The following INPP5A variants were observed in gnomAD, a reference collection of about 807,000 sequenced individuals.
INPP5A encodes 43 kDa inositol polyphosphate 5-phophatase.
In INPP5A, 14 loss-of-function variants were observed where a neutral mutation model predicts 65.2. That is an observed-to-expected ratio of 0.21 (90% CI 0.14 to 0.34). The LOEUF is 0.34. Among genes scored for constraint, INPP5A ranks in the 10% least tolerant of loss-of-function variants. The pLI is 1.00. For synonymous variants in INPP5A, 207 were observed against 208.3 expected (o/e 0.99, Z 0.05); for missense variants, 431 against 545.6 (o/e 0.79, Z 2.09).
chr10:132,593,324 G>A (rs777411098), intron 1 of INPP5A, among the ~76,000 whole-genome samples: 6 of 152,166 alleles, frequency 3.9e-5, no homozygotes, highest in South Asian at 2.1e-4. Context: ...GGAGCCCTGC[G>A]GGCCTGCTGG....
intron 9 of INPP5A, among the ~76,000 whole-genome samples, chr10:132,739,911 G>A (rs939633803): frequency 5.9e-5 from 9 of 152,208 alleles, no homozygotes; most frequent in African/African-American, 2.2e-4. Flanking sequence ...ACTGACGTTC[G>A]GGGGTGCCGC....
At position 132,782,103 on chromosome 10, in the gene INPP5A, A is replaced by G. The variant is rs1360075128; in HGVS notation, c.*74A>G. The G allele has an allele frequency of 6.5e-7, 1 of 1,537,988 alleles. No homozygotes were observed. The highest frequency in any genetic ancestry group is 1.2e-5 in the South Asian group (1 of 83,522). ...CCCTGTAGCCGTGGACCGAATACGC[A>G]CTCTTGAAAGCTGCATCGAGAACCC... On this transcript the variant is annotated 3_prime_UTR_variant, in exon 16 of 16. Coordinates refer to ENST00000368594, the MANE Select transcript of INPP5A (RefSeq NM_005539.5). The surrounding 1 kb of genome is among the most constrained non-coding windows in gnomAD (Gnocchi z 4.4).
intron 7 of INPP5A, among the ~76,000 whole-genome samples, 153 bp from the exon 8 acceptor site, chr10:132,710,184 A>G (rs751361856): frequency 6.6e-6 from 1 of 152,394 alleles, no homozygotes; most frequent in Non-Finnish European, 1.5e-5. Context: ...GCCTTGTCGG[A>G]AGACAGGTGG....
chr10:132,648,629 G>A (rs1446897692), intron 3 of INPP5A, among the ~76,000 whole-genome samples: 2 of 152,172 alleles, frequency 1.3e-5, no homozygotes, highest in Admixed American at 1.3e-4. Context: ...ATTTTTGAAA[G>A]CTGTTTTTGT....
intron 11 of INPP5A, among the ~76,000 whole-genome samples, chr10:132,761,896 T>C (rs1011990319): frequency 1.2e-4 from 18 of 151,950 alleles, no homozygotes; most frequent in Non-Finnish European, 2.4e-4. Flanking sequence ...AATTATAATA[T>C]TGTAAATTAT....
At chr10:132,624,630 G>A (rs1414363033) in intron 2 of INPP5A, among the ~76,000 whole-genome samples, 1 of 152,188 alleles carries the variant, frequency 6.6e-6, no homozygotes, top group African/African-American at 2.4e-5. Flanking sequence ...TTTGGTGCCT[G>A]GCATGTAGGC....
chr10:132,715,719 C>T (rs1478426267), intron 8 of INPP5A, among the ~76,000 whole-genome samples: 3 of 152,358 alleles, frequency 2.0e-5, no homozygotes, highest in South Asian at 2.1e-4. Flanking sequence ...TCTGGGTCAC[C>T]CTGAGCGCTC....
chr10:132,655,480 G>T (rs200644838), intron 4 of INPP5A, among the ~76,000 whole-genome samples: 2 of 152,264 alleles, frequency 1.3e-5, no homozygotes. Context: ...CCCGTGTCTT[G>T]TCTGCCGGGC....
intron 1 of INPP5A, among the ~76,000 whole-genome samples, chr10:132,548,792 CTTTTTTTTTTT>C (rs71013535): frequency 1.3e-5 from 1 of 79,270 alleles, no homozygotes; most frequent in Non-Finnish European, 2.4e-5. Context: ...GTTTATCTGG[CTTTTTTTTTTT>C]TTTTTTTTTT....
At chr10:132,609,836 G>A (rs2071917831) in intron 2 of INPP5A, among the ~76,000 whole-genome samples, 1 of 152,102 alleles carries the variant, frequency 6.6e-6, no homozygotes, top group Admixed American at 6.5e-5. Flanking sequence ...GTAGAGACGG[G>A]GTTTCACCAC....
In INPP5A at chr10:132,627,555, T is replaced by C. The variant is rs1216234779; in HGVS notation, c.118-18313T>C. On this transcript the variant is annotated intron_variant, in intron 2 of 15. Transcript: ENST00000368594. The surrounding 1 kb of genome is among the most constrained non-coding windows in gnomAD (Gnocchi z 6.6). The stretch of plus-strand genomic sequence containing the variant: ...GCCTGGTCTGTCCCGACTCCCTCTG[T>C]GTCCCCAGCTGCCAGCAACGTGCAG... Among the ~76,000 whole-genome samples, 1 of 152,196 alleles carries C rather than the reference T, an allele frequency of 6.6e-6. No homozygotes were observed. Among genetic ancestry groups the C allele is most frequent in the Non-Finnish European group, 1.5e-5 (1 of 68,024 alleles).
chr10:132,664,117 A>C (rs1468842680), intron 4 of INPP5A, among the ~76,000 whole-genome samples: 1 of 152,246 alleles, frequency 6.6e-6, no homozygotes, highest in Non-Finnish European at 1.5e-5. Flanking sequence ...GTTGATTCAC[A>C]GTTTAGCTTG....
chr10:132,562,339 C>G (rs2071217485), intron 1 of INPP5A, among the ~76,000 whole-genome samples: 1 of 152,240 alleles, frequency 6.6e-6, no homozygotes, highest in African/African-American at 2.4e-5. Flanking sequence ...TGCTGCCTGT[C>G]TGCAGCCCTT....
intron 7 of INPP5A, among the ~76,000 whole-genome samples, chr10:132,709,952 A>G (rs1341938111): frequency 1.3e-5 from 2 of 152,168 alleles, no homozygotes; most frequent in East Asian, 3.9e-4. Context: ...TGTGCCCCCA[A>G]CCCTGCCTTA....
chr10:132,687,413 G>T (rs763063752), intron 4 of INPP5A, among the ~76,000 whole-genome samples: 6 of 152,238 alleles, frequency 3.9e-5, no homozygotes, highest in Non-Finnish European at 7.3e-5. Flanking sequence ...CAGCTCACCA[G>T]GGCATGTGGC....
In INPP5A at chr10:132,603,224, CAT is replaced by C. The variant is rs987074993; in HGVS notation, c.76-4690_76-4689del. On this transcript the variant is annotated intron_variant, in intron 1 of 15. Transcript: ENST00000368594. This position sits in a 1 kb window ranked among gnomAD's most constrained non-coding sequence, Gnocchi z 4.2. ...GGCTGCCTCTGGCATCTTGGTCTCT[CAT>C]GTGGGTATTCTCTATTAGGGGCTGT... Among the ~76,000 whole-genome samples the C allele has an allele frequency of 7.2e-5, 11 of 152,276 alleles. No homozygotes were observed. Among genetic ancestry groups the C allele is most frequent in the Non-Finnish European group, 1.3e-4 (9 of 68,024 alleles).
chr10:132,758,676 C>T (rs1037461516), intron 11 of INPP5A, among the ~76,000 whole-genome samples: 1 of 152,104 alleles, frequency 6.6e-6, no homozygotes, highest in Non-Finnish European at 1.5e-5. Flanking sequence ...GACCCCAGCT[C>T]GGCTGTTTTC....
At chr10:132,718,039 G>T (rs1590951608) in intron 8 of INPP5A, among the ~76,000 whole-genome samples, 1 of 148,866 alleles carries the variant, frequency 6.7e-6, no homozygotes, top group Admixed American at 6.7e-5. Context: ...GGGCGCCTTA[G>T]ACGGCTGTCT....
chr10:132,696,201 C>T (rs1845341711), intron 5 of INPP5A, among the ~76,000 whole-genome samples: 1 of 152,236 alleles, frequency 6.6e-6, no homozygotes, highest in Non-Finnish European at 1.5e-5. Flanking sequence ...TTTGCTATAG[C>T]TGCCCAGTGG....
Sources: gnomAD v4.1 joint callset for allele counts (sites outside exome capture counted in the v4.1 genomes callset) on GRCh38, gnomAD v4.1.1 for gene constraint, Gnocchi (gnomAD v3.1) non-coding constraint, MANE v1.5 for transcripts, NCBI Gene and HGNC (gene_info 2026-07-23, HGNC 2026-07-21) for gene names.